The following FGFR2 variants were observed in gnomAD, a reference collection of about 807,000 sequenced individuals.
FGFR2 encodes the protein fibroblast growth factor receptor 2, also known as BEK fibroblast growth factor receptor.
Under a neutral mutation model 95.9 loss-of-function variants are expected in FGFR2, and 19 were observed. The ratio of observed to expected loss-of-function variants is 0.20; its 90% confidence interval spans 0.14 to 0.29. FGFR2 has a LOEUF of 0.29. Ranked by LOEUF, FGFR2 falls within the 10% of genes least tolerant of loss-of-function variation. The probability of loss-of-function intolerance (pLI) is 1.00; values close to 1 mark genes in which losing one functional copy is unlikely to be tolerated. For missense variants in FGFR2, 707 were observed against 1,056.9 expected (o/e 0.67, Z 4.59); for synonymous variants, 392 against 393.3 (o/e 1.00, Z 0.04).
At position 121,564,174 on chromosome 10, in the gene FGFR2, A is replaced by C. The variant is rs1365103970; in HGVS notation, c.454+328T>G. On this transcript the variant is annotated intron_variant, in intron 4 of 17. Transcript: ENST00000358487. Reference sequence around the variant, plus strand: ...AGCACAATCACTGATTACAAGGAAAACCAAGATGTTACATGGTTCTACTAT... The same window carrying C: ...AGCACAATCACTGATTACAAGGAAACCCAAGATGTTACATGGTTCTACTAT... 1.6e-5 allele frequency: 6 copies of C among 381,262 alleles called. No individual in the cohort carries two copies. The East Asian group carries it at 3.5e-4, about 22-fold the overall frequency. The allele number at this position is 381,262 out of a possible 1,614,324, so 23.6% of individuals were successfully genotyped here. A position where few individuals can be genotyped will look rare whatever the true frequency, so the allele number is the denominator to read the frequency against.
At chr10:121,514,976 G>T in intron 9 of FGFR2, 141 bp downstream of exon 9, 1 of 787,046 alleles carries the variant, frequency 1.3e-6, no homozygotes, top group East Asian at 2.5e-5. Context: ...ACACTAACTG[G>T]GTGACCGCCA....
At chr10:121,521,429 T>C (rs1398297613) in intron 6 of FGFR2, among the ~76,000 whole-genome samples, 3 of 152,174 alleles carry the variant, frequency 2.0e-5, no homozygotes, top group African/African-American at 7.2e-5. Flanking sequence ...CAAGGTGTGC[T>C]AGCAACCACA....
Position 121,588,297 on chromosome 10 carries a change from T to C in FGFR2, c.109+5412A>G, listed in dbSNP as rs188309050. Among the ~76,000 whole-genome samples the C allele has an allele frequency of 1.4e-4, 22 of 152,248 alleles. No homozygotes were observed. The East Asian group carries it at 4.1e-3, about 28-fold the overall frequency. Reference sequence around the variant, plus strand: ...AGCAGAAAAAATAGCTATTGGGTACTGGGCTTAATACCTGGGTGATGAAAC... The same window carrying C: ...AGCAGAAAAAATAGCTATTGGGTACCGGGCTTAATACCTGGGTGATGAAAC... On this transcript the variant is annotated intron_variant, in intron 2 of 17. Coordinates refer to ENST00000358487, the MANE Select transcript of FGFR2 (RefSeq NM_000141.5).
chr10:121,582,034 A>C (rs941540685), intron 2 of FGFR2, among the ~76,000 whole-genome samples: 2 of 151,838 alleles, frequency 1.3e-5, no homozygotes, highest in Admixed American at 1.3e-4. Flanking sequence ...CCAGGTTCAA[A>C]GATTCTCCTG....
chr10:121,552,228 G>T (rs935212936), intron 4 of FGFR2, among the ~76,000 whole-genome samples: 1 of 151,990 alleles, frequency 6.6e-6, no homozygotes, highest in Non-Finnish European at 1.5e-5. Context: ...TTAAAGTCAA[G>T]AAAAAAGTTT....
At chr10:121,497,463 C>T (rs949722494) in intron 12 of FGFR2, among the ~76,000 whole-genome samples, 1 of 152,202 alleles carries the variant, frequency 6.6e-6, no homozygotes, top group Non-Finnish European at 1.5e-5. Flanking sequence ...CCTTTTGGAA[C>T]CTGTTGGGCT....
At chr10:121,495,746 C>A (rs1292440280) in intron 13 of FGFR2, among the ~76,000 whole-genome samples, 1 of 152,148 alleles carries the variant, frequency 6.6e-6, no homozygotes, top group Admixed American at 6.5e-5. Flanking sequence ...TTTGGGGACC[C>A]AAGGAATTCC....
intron 4 of FGFR2, among the ~76,000 whole-genome samples, chr10:121,562,628 C>G (rs1857151095): frequency 6.6e-6 from 1 of 152,112 alleles, no homozygotes; most frequent in Non-Finnish European, 1.5e-5. Flanking sequence ...AACTTTGATA[C>G]ATACAAACAA....
intron 4 of FGFR2, among the ~76,000 whole-genome samples, chr10:121,561,437 A>C (rs999605317): frequency 1.3e-5 from 2 of 152,046 alleles, no homozygotes; most frequent in African/African-American, 2.4e-5. Context: ...AAAAAAAAAA[A>C]AAAAAAACCT....
chr10:121,596,308 G>A (rs1329668770), intron 1 of FGFR2, among the ~76,000 whole-genome samples: 3 of 152,182 alleles, frequency 2.0e-5, no homozygotes, highest in South Asian at 4.1e-4. Flanking sequence ...AGCAGGAAGG[G>A]CTTGGCTGCG....
chr10:121,575,585 T>A (rs1425440303), intron 2 of FGFR2, among the ~76,000 whole-genome samples: 1 of 152,298 alleles, frequency 6.6e-6, no homozygotes, highest in East Asian at 1.9e-4. Context: ...CCGAGTGCGG[T>A]GGCTCATGCC....
chr10:121,588,757 A>T (rs573046549), intron 2 of FGFR2, among the ~76,000 whole-genome samples: 1 of 152,046 alleles, frequency 6.6e-6, no homozygotes, highest in African/African-American at 2.4e-5. Context: ...AAATATTTTT[A>T]AAAATTATCC....
chr10:121,515,097 T>TA lies in FGFR2; in HGVS notation c.1287+19dup, dbSNP rs747810557. On this transcript the variant is annotated intron_variant, in intron 9 of 17. Coordinates refer to ENST00000358487, the MANE Select transcript of FGFR2 (RefSeq NM_000141.5). Reference sequence around the variant, plus strand: ...GTCATGGGGGAGGAGTAAATTTCTTTAAACTCTTTATCTACTTTCTGTTAC... The same window carrying TA: ...GTCATGGGGGAGGAGTAAATTTCTTTAAAACTCTTTATCTACTTTCTGTTAC... 1.2e-6 allele frequency: 2 copies of TA among 1,612,446 alleles called. No homozygotes were observed. Among genetic ancestry groups the TA allele is most frequent in the East Asian group, 2.2e-5 (1 of 44,856 alleles).
intron 2 of FGFR2, among the ~76,000 whole-genome samples, chr10:121,577,162 T>A (rs28583738): frequency 0.053 from 467 of 8,890 alleles, 9 homozygotes; most frequent in African/African-American, 0.094. Flanking sequence ...AAAAAAAATA[T>A]ATATATATAT....
At chr10:121,580,761 C>T (rs181579521) in intron 2 of FGFR2, among the ~76,000 whole-genome samples, 3 of 152,302 alleles carry the variant, frequency 2.0e-5, no homozygotes, top group East Asian at 1.9e-4. Context: ...TAAGAGCCGG[C>T]GCCATCACAG....
chr10:121,505,074 G>A (rs982184369), intron 9 of FGFR2, among the ~76,000 whole-genome samples: 1 of 152,178 alleles, frequency 6.6e-6, no homozygotes, highest in Non-Finnish European at 1.5e-5. Context: ...GCTTACAAAC[G>A]CCTTCAATCA....
rs2134053552 is a variant in FGFR2 at position 121,503,804 on chromosome 10, C to T, written c.1425G>A (p.Glu475=). Residue 475 remains glutamate (E), a synonymous_variant, in exon 10 of 18, where the codon GAG becomes GAA. Transcript: ENST00000358487. ...EYELPEDPKW[E]FPRDKLTLGK... is the part of the protein sequence containing the mutation. Reference sequence around the variant, plus strand: ...GAAGTACTCACTTATCTCTTGGAAACTCCCATTTTGGGTCCTCTGGAAGTT... The same window carrying T: ...GAAGTACTCACTTATCTCTTGGAAATTCCCATTTTGGGTCCTCTGGAAGTT... 1.9e-6 allele frequency: 3 copies of T among 1,614,150 alleles called. No homozygotes were observed. The highest frequency in any genetic ancestry group is 1.3e-5 in the African/African-American group (1 of 75,032).
intron 6 of FGFR2, among the ~76,000 whole-genome samples, chr10:121,524,146 A>ACACACACCCCCCCCC (rs142755962): frequency 2.2e-5 from 3 of 136,976 alleles, no homozygotes; most frequent in Non-Finnish European, 4.6e-5. Flanking sequence ...ACACACACAC[A>ACACACACCCCCCCCC]CCCCAAGTTT....
At chr10:121,538,197 C>A in intron 6 of FGFR2, 1 of 615,346 alleles carries the variant, frequency 1.6e-6, no homozygotes. Flanking sequence ...TACTCTTCAG[C>A]TGGCCTTCTA....
Sources: allele counts gnomAD v4.1 joint callset (sites outside exome capture counted in the v4.1 genomes callset), GRCh38; gene constraint gnomAD v4.1.1; transcripts MANE v1.5; gene names NCBI Gene and HGNC (gene_info 2026-07-23, HGNC 2026-07-21).